Variants in SLC38A4 observed in about 807,000 individuals in gnomAD.
SLC38A4 encodes the protein sodium-coupled neutral amino acid transporter 4.
In SLC38A4, 20 loss-of-function variants were observed where a neutral mutation model predicts 63.1. That is an observed-to-expected ratio of 0.32 (90% CI 0.22 to 0.46). SLC38A4 has a LOEUF of 0.46. Among genes scored for constraint, SLC38A4 ranks in the 20% least tolerant of loss-of-function variants. The pLI is 1.00. For synonymous variants in SLC38A4, 230 were observed against 225.5 expected (o/e 1.02, Z -0.18); for missense variants, 526 against 663.6 (o/e 0.79, Z 2.28).
At chr12:46,812,194 A>G (rs1361771249) in intron 1 of SLC38A4, among the ~76,000 whole-genome samples, 4 of 152,072 alleles carry the variant, frequency 2.6e-5, no homozygotes, top group Non-Finnish European at 4.4e-5. Flanking sequence ...TTGGATGGGT[A>G]ATCTGATTTT....
At chr12:46,831,567 A>G (rs1201328052) in intron 1 of SLC38A4, among the ~76,000 whole-genome samples, 1 of 151,488 alleles carries the variant, frequency 6.6e-6, no homozygotes, top group Non-Finnish European at 1.5e-5. Flanking sequence ...CAGTTTTCAG[A>G]CTCGCCCACC....
intron 1 of SLC38A4, among the ~76,000 whole-genome samples, chr12:46,831,526 G>C (rs890620042): frequency 6.6e-6 from 1 of 152,192 alleles, no homozygotes; most frequent in South Asian, 2.1e-4. Context: ...CAATCCGACC[G>C]CGCGGTAAGC....
In SLC38A4 at chr12:46,769,304, TTTATAG is replaced by T; in HGVS notation, c.1418_1423del (p.Thr473_Ile474del). On this transcript the variant is annotated inframe_deletion, in exon 15 of 17. Coordinates refer to ENST00000266579, the MANE Select transcript of SLC38A4 (RefSeq NM_018018.5). Reference sequence around the variant, plus strand: ...CTCACCTATGAATCCGAAGATGTATTTTATAGTTGGCACAAGGATGACCAGAACATT... The same window carrying T: ...CTCACCTATGAATCCGAAGATGTATTTTGGCACAAGGATGACCAGAACATT... 6.2e-7 allele frequency: 1 copy of T among 1,613,136 alleles called. No individual in the cohort carries two copies. The highest frequency in any genetic ancestry group is 8.5e-7 in the Non-Finnish European group (1 of 1,179,396).
chr12:46,811,398 G>T (rs939633810), intron 1 of SLC38A4, among the ~76,000 whole-genome samples: 1 of 151,896 alleles, frequency 6.6e-6, no homozygotes, highest in Non-Finnish European at 1.5e-5. Context: ...AATAGAAGTT[G>T]GCAGGAGAAA....
chr12:46,809,091 G>A (rs185817535), intron 1 of SLC38A4, among the ~76,000 whole-genome samples: 103 of 152,074 alleles, frequency 6.8e-4, no homozygotes, highest in African/African-American at 2.3e-3. Flanking sequence ...AATTTCATTA[G>A]TGATTGGACT....
Position 46,793,125 on chromosome 12 carries a change from A to G in SLC38A4, c.-54T>C. On this transcript the variant is annotated 5_prime_UTR_variant, in exon 3 of 17. Coordinates refer to ENST00000266579, the MANE Select transcript of SLC38A4 (RefSeq NM_018018.5). ...CACAAGCCCCTTCAGTGTAAATAATATACTGTACCTTCAGCTTAAGGTTCT... is the reference window on the plus strand; with the variant it reads ...CACAAGCCCCTTCAGTGTAAATAATGTACTGTACCTTCAGCTTAAGGTTCT... The G allele has an allele frequency of 8.0e-7, 1 of 1,255,504 alleles. No homozygotes were observed. Among genetic ancestry groups the G allele is most frequent in the Middle Eastern group, 1.9e-4 (1 of 5,388 alleles). The allele number at this position is 1,255,504 out of a possible 1,614,324, so 77.8% of individuals were successfully genotyped here. A position where few individuals can be genotyped will look rare whatever the true frequency, so the allele number is the denominator to read the frequency against.
chr12:46,790,561 CA>C (rs1267225802), intron 3 of SLC38A4, among the ~76,000 whole-genome samples: 1 of 152,076 alleles, frequency 6.6e-6, no homozygotes, highest in Non-Finnish European at 1.5e-5. Flanking sequence ...ACTATAAAAA[CA>C]AAAGTGCCAC....
chr12:46,768,588 G>A (rs983295110), intron 15 of SLC38A4, among the ~76,000 whole-genome samples, 181 bp from the exon 16 acceptor site: 12 of 151,984 alleles, frequency 7.9e-5, no homozygotes, highest in Non-Finnish European at 1.5e-4. Flanking sequence ...TGTTTATAGA[G>A]ACAATTAAAA....
chr12:46,792,025 A>T (rs77996994), intron 3 of SLC38A4, among the ~76,000 whole-genome samples: 5,946 of 152,240 alleles, frequency 0.039, 195 homozygotes, highest in Non-Finnish European at 0.062. Flanking sequence ...CAGTGTGTGT[A>T]ATCTACTTTC....
intron 1 of SLC38A4, chr12:46,824,494 A>G (rs969443266): frequency 4.6e-5 from 7 of 152,182 alleles, no homozygotes; most frequent in Non-Finnish European, 1.0e-4. Flanking sequence ...CTGAAGTTCC[A>G]AGTTTCACTG....
At chr12:46,771,086 G>T (rs1938407132) in intron 14 of SLC38A4, among the ~76,000 whole-genome samples, 1 of 152,050 alleles carries the variant, frequency 6.6e-6, no homozygotes, top group Admixed American at 6.6e-5. Context: ...GAATAACTTT[G>T]TAAAGGATTT....
chr12:46,788,681 G>A (rs113938364), intron 3 of SLC38A4, 63 bp from the exon 4 acceptor site: 4 of 1,394,498 alleles, frequency 2.9e-6, no homozygotes, highest in Non-Finnish European at 2.0e-6. Context: ...TGAATCATAT[G>A]TATGTTTCAG....
intron 1 of SLC38A4, among the ~76,000 whole-genome samples, chr12:46,815,274 TATATATATATAC>T (rs1288773947): frequency 2.2e-4 from 15 of 69,472 alleles, no homozygotes; most frequent in African/African-American, 7.5e-4. Context: ...TATATATATA[TATATATATATAC>T]ACACACACAC....
At chr12:46,815,284 T>TATATATATATATACAC (rs1555173035) in intron 1 of SLC38A4, among the ~76,000 whole-genome samples, 1 of 82,974 alleles carries the variant, frequency 1.2e-5, no homozygotes, top group South Asian at 5.5e-4. Flanking sequence ...TATATATATA[T>TATATATATATATACAC]ACACACACAC....
At chr12:46,767,915 T>C (rs1246932937) in intron 16 of SLC38A4, among the ~76,000 whole-genome samples, 1 of 152,108 alleles carries the variant, frequency 6.6e-6, no homozygotes, top group Admixed American at 6.6e-5. Flanking sequence ...ATCTTTCCTT[T>C]GGCTTTGCAA....
chr12:46,775,967 A>G (rs1938516670), intron 13 of SLC38A4, among the ~76,000 whole-genome samples: 1 of 151,950 alleles, frequency 6.6e-6, no homozygotes, highest in Non-Finnish European at 1.5e-5. Context: ...ACCGGCAAAA[A>G]GTTAATGCCC....
intron 1 of SLC38A4, among the ~76,000 whole-genome samples, chr12:46,820,966 G>A (rs546230407): frequency 9.2e-5 from 14 of 152,056 alleles, no homozygotes; most frequent in East Asian, 5.8e-4. Flanking sequence ...TTGGCCATTC[G>A]TATGTCTTTT....
intron 3 of SLC38A4, among the ~76,000 whole-genome samples, 174 bp downstream of exon 3, chr12:46,792,779 G>C (rs981688648): frequency 7.9e-5 from 12 of 152,138 alleles, no homozygotes; most frequent in African/African-American, 2.9e-4. Flanking sequence ...AGTCACAAAA[G>C]AGATTGACAT....
intron 1 of SLC38A4, among the ~76,000 whole-genome samples, chr12:46,805,715 C>A (rs1939217989): frequency 6.6e-6 from 1 of 151,930 alleles, no homozygotes; most frequent in African/African-American, 2.4e-5. Flanking sequence ...GTAGAAAGAG[C>A]TAATCATCAG....
Sources: gnomAD v4.1 joint callset for allele counts (sites outside exome capture counted in the v4.1 genomes callset) on GRCh38, gnomAD v4.1.1 for gene constraint, MANE v1.5 for transcripts, NCBI Gene and HGNC (gene_info 2026-07-23, HGNC 2026-07-21) for gene names.